Variants in ROBO1 observed in about 807,000 individuals in gnomAD.
ROBO1 encodes the protein roundabout homolog 1.
Under a neutral mutation model 195.9 loss-of-function variants are expected in ROBO1, and 149 were observed. The ratio of observed to expected loss-of-function variants is 0.76; its 90% confidence interval spans 0.67 to 0.87. The LOEUF (loss-of-function observed/expected upper bound fraction) is 0.87. ROBO1 is among the 40% of genes least tolerant of loss of function. The pLI is 0.00. For missense variants in ROBO1, 1,933 were observed against 2,068.3 expected (o/e 0.93, Z 1.27); for synonymous variants, 816 against 733.2 (o/e 1.11, Z -1.82).
At chr3:78,797,628 A>G (rs1377954397) in intron 4 of ROBO1, among the ~76,000 whole-genome samples, 3 of 152,208 alleles carry the variant, frequency 2.0e-5, no homozygotes, top group Non-Finnish European at 2.9e-5. Flanking sequence ...TTCAATAAGC[A>G]GAGGGTTTTT....
chr3:79,308,178 G>A (rs1322356515), intron 2 of ROBO1, among the ~76,000 whole-genome samples: 1 of 152,062 alleles, frequency 6.6e-6, no homozygotes, highest in Admixed American at 6.6e-5. Flanking sequence ...TACTAAAAAT[G>A]TATGTACTCA....
chr3:79,311,186 G>A (rs2033468617), intron 2 of ROBO1, among the ~76,000 whole-genome samples: 1 of 152,114 alleles, frequency 6.6e-6, no homozygotes, highest in South Asian at 2.1e-4. Flanking sequence ...AGCAGTAGCT[G>A]AGGGATATCA....
intron 2 of ROBO1, among the ~76,000 whole-genome samples, chr3:79,399,573 A>G (rs1235870015): frequency 6.6e-6 from 1 of 152,192 alleles, no homozygotes; most frequent in Non-Finnish European, 1.5e-5. Flanking sequence ...TTAAAAATCA[A>G]AAGCGATCAT....
chr3:79,435,861 A>C (rs75353450), intron 2 of ROBO1, among the ~76,000 whole-genome samples: 5,225 of 152,286 alleles, frequency 0.034, 205 homozygotes, highest in African/African-American at 0.098. Flanking sequence ...TCTCTAAAAT[A>C]AACTTTTTCT....
At chr3:78,624,064 T>C (rs1225261318) in intron 26 of ROBO1, among the ~76,000 whole-genome samples, 1 of 152,132 alleles carries the variant, frequency 6.6e-6, no homozygotes, top group Non-Finnish European at 1.5e-5. Flanking sequence ...GTTGGTTAAA[T>C]AGAGTTACAC....
At chr3:78,673,605 T>TATATATATATATATAC (rs779997525) in intron 10 of ROBO1, among the ~76,000 whole-genome samples, 16 of 53,238 alleles carry the variant, frequency 3.0e-4, no homozygotes, top group South Asian at 7.2e-4. Flanking sequence ...TATATATATA[T>TATATATATATATATAC]ACACACATAT....
chr3:78,669,973 A>G, intron 11 of ROBO1, 123 bp downstream of exon 11: 1 of 653,156 alleles, frequency 1.5e-6, no homozygotes, highest in Non-Finnish European at 2.5e-6. Context: ...TCAAATTAAA[A>G]ATATATTACT....
At chr3:79,170,734 A>G (rs1347902859) in intron 2 of ROBO1, among the ~76,000 whole-genome samples, 1 of 152,126 alleles carries the variant, frequency 6.6e-6, no homozygotes, top group East Asian at 1.9e-4. Context: ...AGGAATTTAA[A>G]TACATGTTAA....
intron 4 of ROBO1, among the ~76,000 whole-genome samples, chr3:78,757,804 A>T (rs758636489): frequency 3.0e-4 from 46 of 152,210 alleles, no homozygotes; most frequent in Non-Finnish European, 2.6e-4. Flanking sequence ...ACACAGAAAC[A>T]CATGAACTAA....
intron 2 of ROBO1, among the ~76,000 whole-genome samples, chr3:79,162,013 G>T (rs769853747): frequency 2.6e-5 from 4 of 152,100 alleles, no homozygotes; most frequent in Admixed American, 6.6e-5. Context: ...AATAAATTTA[G>T]TTGAGTAATT....
At chr3:79,663,123 T>C (rs1049041240) in intron 1 of ROBO1, among the ~76,000 whole-genome samples, 1 of 152,078 alleles carries the variant, frequency 6.6e-6, no homozygotes, top group African/African-American at 2.4e-5. Flanking sequence ...GTTCATACTA[T>C]AGCTTATCAC....
At position 78,971,281 on chromosome 3, in the gene ROBO1, C is replaced by T. The variant is rs549922450; in HGVS notation, c.173-32354G>A. Among the ~76,000 whole-genome samples, 11 of 151,988 alleles carry T rather than the reference C, an allele frequency of 7.2e-5. No individual in the cohort carries two copies. In the East Asian group the frequency reaches 1.3e-3, roughly 19 times the overall value. On this transcript the variant is annotated intron_variant, in intron 3 of 30. Transcript: ENST00000464233. Reference sequence around the variant, plus strand: ...GTGGGCATCTGTAGTCCCAGTTACTCGGGAGGCTGAGGCAGGAGGATCACC... The same window carrying T: ...GTGGGCATCTGTAGTCCCAGTTACTTGGGAGGCTGAGGCAGGAGGATCACC...
intron 2 of ROBO1, among the ~76,000 whole-genome samples, chr3:79,477,432 G>A (rs139531930): frequency 6.6e-6 from 1 of 152,164 alleles, no homozygotes; most frequent in East Asian, 1.9e-4. Flanking sequence ...GAGGATTTAT[G>A]AGGGTAAACA....
At chr3:79,749,450 G>A (rs1010675190) in intron 1 of ROBO1, among the ~76,000 whole-genome samples, 2 of 152,172 alleles carry the variant, frequency 1.3e-5, no homozygotes, top group African/African-American at 4.8e-5. Context: ...CATAAATAAT[G>A]AGGATCCAAA....
At chr3:78,785,230 T>C (rs1024906653) in intron 4 of ROBO1, among the ~76,000 whole-genome samples, 3 of 152,258 alleles carry the variant, frequency 2.0e-5, no homozygotes, top group Non-Finnish European at 4.4e-5. Context: ...TTAAGGTATA[T>C]GACTCATTCT....
At position 79,550,009 on chromosome 3, in the gene ROBO1, T is replaced by G. The variant is rs553275214; in HGVS notation, c.88+39815A>C. On this transcript the variant is annotated intron_variant, in intron 2 of 30. Coordinates refer to ENST00000464233, the MANE Select transcript of ROBO1 (RefSeq NM_002941.4). ...ACTAGATGGCTTGAGCCTGTAGTCCTAGCTACTCAGGAGGCTAAGGCAGGA... is the reference window on the plus strand; with the variant it reads ...ACTAGATGGCTTGAGCCTGTAGTCCGAGCTACTCAGGAGGCTAAGGCAGGA... Among the ~76,000 whole-genome samples the G allele has an allele frequency of 2.2e-3, 338 of 151,570 alleles. 3 individuals are homozygous for G. The highest frequency in any genetic ancestry group is 1.2e-3 in the East Asian group (6 of 5,128).
chr3:79,665,980 G>T (rs750786109), intron 1 of ROBO1, among the ~76,000 whole-genome samples: 1 of 151,762 alleles, frequency 6.6e-6, no homozygotes, highest in African/African-American at 2.4e-5. Flanking sequence ...GGACACAAGG[G>T]TCTCTAATTT....
At chr3:79,194,327 G>T (rs570388199) in intron 2 of ROBO1, among the ~76,000 whole-genome samples, 1 of 151,792 alleles carries the variant, frequency 6.6e-6, no homozygotes, top group East Asian at 1.9e-4. Flanking sequence ...CACACTTCCA[G>T]TGTGGGCAGT....
At chr3:79,448,919 A>G (rs1250777364) in intron 2 of ROBO1, among the ~76,000 whole-genome samples, 1 of 152,132 alleles carries the variant, frequency 6.6e-6, no homozygotes, top group Non-Finnish European at 1.5e-5. Context: ...TGAAGGGATG[A>G]TAATTTCTAC....
Sources: allele counts gnomAD v4.1 joint callset (sites outside exome capture counted in the v4.1 genomes callset), GRCh38; gene constraint gnomAD v4.1.1; transcripts MANE v1.5; gene names NCBI Gene and HGNC (gene_info 2026-07-23, HGNC 2026-07-21).